The following KCTD20 variants were observed in gnomAD, a reference collection of about 807,000 sequenced individuals.
KCTD20 encodes the protein BTB/POZ domain-containing protein KCTD20.
In KCTD20, 30 loss-of-function variants were observed where a neutral mutation model predicts 39.6. The observed-to-expected ratio is 0.76, with a 90% CI of 0.57 to 1.03. The LOEUF (loss-of-function observed/expected upper bound fraction) is 1.03. KCTD20 is among the 50% of genes least tolerant of loss of function. KCTD20 has a pLI of 0.00. For synonymous variants in KCTD20, 162 were observed against 180.6 expected (o/e 0.90, Z 0.83); for missense variants, 422 against 522.0 (o/e 0.81, Z 1.87).
intron 1 of KCTD20, among the ~76,000 whole-genome samples, chr6:36,465,960 A>C (rs1469350407): frequency 6.6e-6 from 1 of 152,232 alleles, no homozygotes; most frequent in East Asian, 1.9e-4. Context: ...AAGCTATAAC[A>C]GGGTGGTGAA....
chr6:36,476,432 T>C (rs975004531), intron 3 of KCTD20, among the ~76,000 whole-genome samples: 6 of 151,072 alleles, frequency 4.0e-5, no homozygotes, highest in Non-Finnish European at 8.9e-5. Flanking sequence ...TGAACCATTT[T>C]TTTTTTTTTT....
Position 36,479,672 on chromosome 6 carries a change from A to G in KCTD20, c.619A>G (p.Ile207Val), listed in dbSNP as rs1427843312. The change falls in exon 5 of 8, where the codon ATT becomes GTT. Residue 207 changes from isoleucine (I) to valine (V), a missense_variant. By Grantham distance (29) the Ile-to-Val change is conservative (BLOSUM62 3). Coordinates refer to ENST00000373731, the MANE Select transcript of KCTD20 (RefSeq NM_173562.5). The stretch of plus-strand genomic sequence containing the variant: ...TAGAGATACTTGTGATTATCTCTGC[A>G]TTAATTTTGACTTCAACACTATCCG... ...DLRDTCDYLCINFDFNTIRCQ... is the reference protein window; with the variant it reads ...DLRDTCDYLCVNFDFNTIRCQ... 6.2e-7 allele frequency: 1 copy of G among 1,610,440 alleles called. No homozygotes were observed. Among genetic ancestry groups the G allele is most frequent in the Non-Finnish European group, 8.5e-7 (1 of 1,178,794 alleles).
rs1776535497 is a variant in KCTD20, at chr6:36,489,929, G to T, written c.*2754G>T. 6.6e-6 allele frequency: 1 copy of T among 152,152 alleles called. No individual in the cohort carries two copies. Among genetic ancestry groups the T allele is most frequent in the Non-Finnish European group, 1.5e-5 (1 of 68,042 alleles). 9.4% of individuals were successfully genotyped at this position (152,152 alleles called of 1,614,324 possible). A position where few individuals can be genotyped will look rare whatever the true frequency, so the allele number is the denominator to read the frequency against. On this transcript the variant is annotated 3_prime_UTR_variant, in exon 8 of 8. Transcript: ENST00000373731. ...ACAGTGTTAAGTCAGATCATTTAAT[G>T]GTTTCCCCTAAGCCCTGGAAAAATA... is the stretch of plus-strand genomic sequence containing the variant.
chr6:36,463,696 G>A (rs1242676991), intron 1 of KCTD20, among the ~76,000 whole-genome samples: 2 of 152,154 alleles, frequency 1.3e-5, no homozygotes, highest in Admixed American at 6.6e-5. Flanking sequence ...CATCATCTTT[G>A]AGGAACAGCC....
Position 36,489,511 on chromosome 6 carries a change from T to G in KCTD20, c.*2336T>G, listed in dbSNP as rs2127460959. ...AGGAAAAGCTGGGATCACAGGTTCC[T>G]TCTGATGGAGAGGAAGGTTTATTTC... On this transcript the variant is annotated 3_prime_UTR_variant, in exon 8 of 8. Transcript: ENST00000373731. 6.6e-6 allele frequency: 1 copy of G among 152,272 alleles called. No individual in the cohort carries two copies. Among genetic ancestry groups the G allele is most frequent in the East Asian group, 1.9e-4 (1 of 5,184 alleles). The allele number at this position is 152,272 out of a possible 1,614,324, so 9.4% of individuals were successfully genotyped here.
chr6:36,471,186 G>C (rs1357519059), intron 2 of KCTD20, among the ~76,000 whole-genome samples: 1 of 151,520 alleles, frequency 6.6e-6, no homozygotes, highest in Non-Finnish European at 1.5e-5. Flanking sequence ...ACCTCACAAG[G>C]CTAGTAGATT....
Position 36,489,705 on chromosome 6 carries a change from A to G in KCTD20, c.*2530A>G, listed in dbSNP as rs1162704378. The G allele has an allele frequency of 6.6e-6, 1 of 152,130 alleles. No homozygotes were observed. Among genetic ancestry groups the G allele is most frequent in the African/African-American group, 2.4e-5 (1 of 41,444 alleles). The allele number at this position is 152,130 out of a possible 1,614,324, so 9.4% of individuals were successfully genotyped here. A position where few individuals can be genotyped will look rare whatever the true frequency, so the allele number is the denominator to read the frequency against. On this transcript the variant is annotated 3_prime_UTR_variant, in exon 8 of 8. Coordinates refer to ENST00000373731, the MANE Select transcript of KCTD20 (RefSeq NM_173562.5). ...GGTAAGAGGCATTTGTAATTTTAAA[A>G]ATGTGAAACTTGGGTTTGGTGTTTT...
At chr6:36,484,226 C>T (rs1159408412) in intron 6 of KCTD20, among the ~76,000 whole-genome samples, 1 of 152,186 alleles carries the variant, frequency 6.6e-6, no homozygotes, top group African/African-American at 2.4e-5. Flanking sequence ...TGAGCCACCA[C>T]ACCCAGCCAA....
intron 3 of KCTD20, among the ~76,000 whole-genome samples, chr6:36,477,937 C>CA (rs944894654): frequency 1.1e-4 from 16 of 150,564 alleles, no homozygotes; most frequent in Non-Finnish European, 1.3e-4. Context: ...ACTAAAAATA[C>CA]AAAAAAAATT....
At chr6:36,467,529 G>T (rs1460680240) in intron 1 of KCTD20, among the ~76,000 whole-genome samples, 1 of 150,340 alleles carries the variant, frequency 6.7e-6, no homozygotes, top group Non-Finnish European at 1.5e-5. Context: ...ATAGAGACGG[G>T]GTTTCACCGT....
In KCTD20 at chr6:36,479,241, T is replaced by C. The variant is rs1363153703; in HGVS notation, c.537+18T>C. 7.7e-6 allele frequency: 12 copies of C among 1,558,526 alleles called. No homozygotes were observed. Among genetic ancestry groups the C allele is most frequent in the Non-Finnish European group, 1.1e-5 (12 of 1,134,012 alleles). ...CAGTGCTGGTGTGTGGTAGCCTTTT[T>C]TGTTACATTCTCTTCCTCAGGGGCA... On this transcript the variant is annotated intron_variant, in intron 4 of 7. Coordinates refer to ENST00000373731, the MANE Select transcript of KCTD20 (RefSeq NM_173562.5).
At chr6:36,465,637 G>A (rs1332482464) in intron 1 of KCTD20, 1 of 152,108 alleles carries the variant, frequency 6.6e-6, no homozygotes, top group Admixed American at 6.6e-5. Context: ...CACTATCAAA[G>A]ACTGTATATA....
In KCTD20 at chr6:36,489,439, A is replaced by C. The variant is rs1177119145; in HGVS notation, c.*2264A>C. ...ACCTGTGGGGTTTGAGTAAGCTGGA[A>C]ATCTGTGACGGTAGGCTTTCTAGTG... On this transcript the variant is annotated 3_prime_UTR_variant, in exon 8 of 8. Coordinates refer to ENST00000373731, the MANE Select transcript of KCTD20 (RefSeq NM_173562.5). The C allele has an allele frequency of 6.6e-6, 1 of 152,160 alleles. No homozygotes were observed. The highest frequency in any genetic ancestry group is 1.9e-4 in the East Asian group (1 of 5,200). 9.4% of individuals were successfully genotyped at this position (152,160 alleles called of 1,614,324 possible). A position where few individuals can be genotyped will look rare whatever the true frequency, so the allele number is the denominator to read the frequency against.
At chr6:36,476,261 A>G (rs973674128) in intron 3 of KCTD20, among the ~76,000 whole-genome samples, 3 of 152,124 alleles carry the variant, frequency 2.0e-5, no homozygotes, top group African/African-American at 7.2e-5. Context: ...ATTTTCATCT[A>G]CTTAGAAGTA....
At chr6:36,460,483 T>G (rs1357355458) in intron 1 of KCTD20, among the ~76,000 whole-genome samples, 1 of 152,186 alleles carries the variant, frequency 6.6e-6, no homozygotes, top group Non-Finnish European at 1.5e-5. Context: ...TTTTGTATTT[T>G]TAATAGAGAC....
rs183228109 is a variant in KCTD20, at chr6:36,454,927, C to A, written c.-47+11816C>A. On this transcript the variant is annotated intron_variant, in intron 1 of 7. Transcript: ENST00000373731. ...CCTCCCAAAGTGCTAGGATTACAGG[C>A]ATGAGCCACCGTGCCCGGCCTACTT... 5.6e-4 allele frequency among the ~76,000 whole-genome samples: 85 copies of A among 152,034 alleles called. 2 individuals carry two copies. Among genetic ancestry groups the A allele is most frequent in the African/African-American group, 2.0e-3 (82 of 41,514 alleles).
At chr6:36,483,484 T>G (rs1350456511) in intron 6 of KCTD20, among the ~76,000 whole-genome samples, 1 of 152,094 alleles carries the variant, frequency 6.6e-6, no homozygotes, top group Non-Finnish European at 1.5e-5. Context: ...AGTGCTGGGA[T>G]TGCAGGCACC....
rs1222930543 is a variant in KCTD20 at position 36,489,813 on chromosome 6, A to G, written c.*2638A>G. The G allele has an allele frequency of 6.6e-6, 1 of 152,202 alleles. No individual in the cohort carries two copies. Among genetic ancestry groups the G allele is most frequent in the Admixed American group, 6.5e-5 (1 of 15,280 alleles). The allele number at this position is 152,202 out of a possible 1,614,324, so 9.4% of individuals were successfully genotyped here. On this transcript the variant is annotated 3_prime_UTR_variant, in exon 8 of 8. Transcript: ENST00000373731. ...CAAGCCAAGATTAACCCGAATCTGA[A>G]GTTTAGAATCTTGAGTTTGCATCTG...
rs928397672 is a variant in KCTD20 at position 36,469,237 on chromosome 6, G to C, written c.-46-815G>C. On this transcript the variant is annotated intron_variant, in intron 1 of 7. Coordinates refer to ENST00000373731, the MANE Select transcript of KCTD20 (RefSeq NM_173562.5). This position sits in a 1 kb window ranked among gnomAD's most constrained non-coding sequence, Gnocchi z 4.6. ...GTGTAAACTGTGAAAGTGCTAAGTA[G>C]AGTGAACTTCAGAAATATTTTGAGT... is the stretch of plus-strand genomic sequence containing the variant. 1.3e-5 allele frequency among the ~76,000 whole-genome samples: 2 copies of C among 152,210 alleles called. No individual in the cohort carries two copies. Among genetic ancestry groups the C allele is most frequent in the Non-Finnish European group, 2.9e-5 (2 of 68,048 alleles).
Sources: allele counts gnomAD v4.1 joint callset (sites outside exome capture counted in the v4.1 genomes callset), GRCh38; gene constraint gnomAD v4.1.1; non-coding constraint Gnocchi (gnomAD v3.1); transcripts MANE v1.5; gene names NCBI Gene and HGNC (gene_info 2026-07-23, HGNC 2026-07-21).